PLCB4: variants seen among roughly 807,000 people sequenced by gnomAD.
PLCB4 encodes the protein phospholipase C beta 4.
PLCB4 carries 77 observed loss-of-function variants against 178.8 expected under a neutral mutation model. The observed-to-expected ratio is 0.43, with a 90% CI of 0.36 to 0.52. The LOEUF (loss-of-function observed/expected upper bound fraction) is 0.52. PLCB4 is among the 20% of genes least tolerant of loss of function. The probability of loss-of-function intolerance (pLI) is 0.00; values close to 1 mark genes in which losing one functional copy is unlikely to be tolerated. For missense variants in PLCB4, 1,024 were observed against 1,453.4 expected (o/e 0.70, Z 4.80); for synonymous variants, 496 against 490.8 (o/e 1.01, Z -0.14).
At chr20:9,472,696 A>T in intron 36 of PLCB4, 94 bp from the exon 37 acceptor site, 2 of 631,912 alleles carry the variant, frequency 3.2e-6, no homozygotes, top group Admixed American at 5.7e-5. Flanking sequence ...AATTCCATCC[A>T]GAGAATTTGA....
At chr20:9,386,696 A>C (rs1602287759) in intron 14 of PLCB4, among the ~76,000 whole-genome samples, 1 of 151,898 alleles carries the variant, frequency 6.6e-6, no homozygotes, top group Admixed American at 6.6e-5. Flanking sequence ...TTTAGGGTAC[A>C]TATGCACAAC....
intron 2 of PLCB4, among the ~76,000 whole-genome samples, chr20:9,172,170 C>T (rs2093074815): frequency 6.6e-6 from 1 of 152,042 alleles, no homozygotes; most frequent in Non-Finnish European, 1.5e-5. Flanking sequence ...TAGAATGACT[C>T]CATAGAGCAG....
rs182906791 is a variant in PLCB4 at position 9,289,098 on chromosome 20, T to G, written c.-15-18702T>G. On this transcript the variant is annotated intron_variant, in intron 3 of 39. Coordinates refer to ENST00000378473, the MANE Select transcript of PLCB4 (RefSeq NM_001377142.1). ...ATGCAATTGTCATACTTGAATCTTATCTCTTTTCCTGTCTTACCTTGGGGG... is the reference window on the plus strand; with the variant it reads ...ATGCAATTGTCATACTTGAATCTTAGCTCTTTTCCTGTCTTACCTTGGGGG... 1.0e-3 allele frequency among the ~76,000 whole-genome samples: 155 copies of G among 152,242 alleles called. 1 individual carries two copies. Among genetic ancestry groups the G allele is most frequent in the Non-Finnish European group, 8.8e-5 (6 of 68,018 alleles).
intron 3 of PLCB4, among the ~76,000 whole-genome samples, chr20:9,223,928 G>T (rs1254865091): frequency 2.6e-5 from 4 of 152,144 alleles, no homozygotes; most frequent in Non-Finnish European, 4.4e-5. Context: ...CTAGACAAAA[G>T]GATGCTTCTG....
At chr20:9,363,469 G>A (rs2035522500) in intron 8 of PLCB4, among the ~76,000 whole-genome samples, 1 of 152,154 alleles carries the variant, frequency 6.6e-6, no homozygotes, top group African/African-American at 2.4e-5. Flanking sequence ...AGTTACCTCT[G>A]AATTTTTTTC....
chr20:9,336,032 TAA>T (rs1224152926), intron 4 of PLCB4, among the ~76,000 whole-genome samples: 1 of 152,168 alleles, frequency 6.6e-6, no homozygotes, highest in Non-Finnish European at 1.5e-5. Flanking sequence ...CAGGTGAAAC[TAA>T]GAGTCTGAAC....
chr20:9,241,283 C>T (rs1353553384), intron 3 of PLCB4, among the ~76,000 whole-genome samples: 2 of 152,060 alleles, frequency 1.3e-5, no homozygotes, highest in African/African-American at 4.8e-5. Context: ...ACACACCTCC[C>T]TTGTACTTCC....
chr20:9,310,600 T>C (rs1175218075), intron 4 of PLCB4, among the ~76,000 whole-genome samples: 1 of 151,882 alleles, frequency 6.6e-6, no homozygotes, highest in Admixed American at 6.6e-5. Flanking sequence ...TAGTCCCAGC[T>C]ACTTGGGAGG....
intron 3 of PLCB4, among the ~76,000 whole-genome samples, chr20:9,227,178 T>C (rs2093877066): frequency 8.1e-6 from 1 of 122,822 alleles, no homozygotes; most frequent in Admixed American, 7.6e-5. Context: ...ATTGTAAGAC[T>C]TTTTTTTTTT....
intron 3 of PLCB4, among the ~76,000 whole-genome samples, chr20:9,248,192 T>A (rs2094144583): frequency 6.6e-6 from 1 of 152,156 alleles, no homozygotes; most frequent in Non-Finnish European, 1.5e-5. Context: ...TATATATACG[T>A]ATATACACAT....
chr20:9,149,833 A>G (rs1232800844), intron 2 of PLCB4, among the ~76,000 whole-genome samples: 1 of 152,206 alleles, frequency 6.6e-6, no homozygotes, highest in East Asian at 1.9e-4. Flanking sequence ...TTTATTCTCA[A>G]ATACTCTTCA....
intron 20 of PLCB4, among the ~76,000 whole-genome samples, chr20:9,404,088 G>C (rs1232698765): frequency 6.6e-6 from 1 of 152,162 alleles, no homozygotes; most frequent in Non-Finnish European, 1.5e-5. Context: ...TTCTTTTTCG[G>C]ATGAATGAAT....
At chr20:9,368,704 C>G (rs944537800) in intron 9 of PLCB4, among the ~76,000 whole-genome samples, 3 of 151,984 alleles carry the variant, frequency 2.0e-5, no homozygotes, top group African/African-American at 7.3e-5. Context: ...GTGTAGATTG[C>G]AGACCCTGTT....
chr20:9,389,127 A>G (rs1285548900), intron 15 of PLCB4, among the ~76,000 whole-genome samples: 1 of 152,174 alleles, frequency 6.6e-6, no homozygotes, highest in Non-Finnish European at 1.5e-5. Context: ...TCTAAAGCTA[A>G]GCAGAGACGG....
At chr20:9,379,826 T>TTC (rs930434136) in intron 12 of PLCB4, among the ~76,000 whole-genome samples, 2 of 151,166 alleles carry the variant, frequency 1.3e-5, no homozygotes, top group South Asian at 2.1e-4. Flanking sequence ...AAAAAATGTA[T>TTC]TCTCTCTCTC....
At chr20:9,210,695 C>G (rs1405801269) in intron 2 of PLCB4, among the ~76,000 whole-genome samples, 1 of 152,152 alleles carries the variant, frequency 6.6e-6, no homozygotes, top group Non-Finnish European at 1.5e-5. Context: ...GGCTCAAACT[C>G]TAAAAGATCA....
chr20:9,292,660 C>T (rs1206979177), intron 3 of PLCB4, among the ~76,000 whole-genome samples: 1 of 152,164 alleles, frequency 6.6e-6, no homozygotes, highest in Non-Finnish European at 1.5e-5. Context: ...AATGGAAACT[C>T]ATTCTACAGG....
At chr20:9,335,266 C>A (rs1484808287) in intron 4 of PLCB4, among the ~76,000 whole-genome samples, 2 of 152,052 alleles carry the variant, frequency 1.3e-5, no homozygotes. Context: ...TGGGTAATAG[C>A]TAATGCTTTT....
intron 3 of PLCB4, among the ~76,000 whole-genome samples, chr20:9,304,832 CTT>C (rs1329967199): frequency 1.4e-5 from 2 of 146,696 alleles, no homozygotes; most frequent in Non-Finnish European, 3.0e-5. Context: ...CCTATGGTAT[CTT>C]TTTTCATTCC....
Sources: allele counts gnomAD v4.1 joint callset (sites outside exome capture counted in the v4.1 genomes callset), GRCh38; gene constraint gnomAD v4.1.1; transcripts MANE v1.5; gene names NCBI Gene and HGNC (gene_info 2026-07-23, HGNC 2026-07-21).